The following CHN2 variants were observed in gnomAD, a reference collection of about 807,000 sequenced individuals.
CHN2 encodes the protein chimerin 2.
Under a neutral mutation model 56.3 loss-of-function variants are expected in CHN2, and 35 were observed. The ratio of observed to expected loss-of-function variants is 0.62; its 90% CI spans 0.47 to 0.82. CHN2 has a LOEUF of 0.82. Ranked by LOEUF, CHN2 falls within the 40% of genes least tolerant of loss-of-function variation. The probability of loss-of-function intolerance (pLI) is 0.00; values close to 1 mark genes in which losing one functional copy is unlikely to be tolerated. For missense variants in CHN2, 491 were observed against 580.5 expected (o/e 0.85, Z 1.58); for synonymous variants, 210 against 212.8 (o/e 0.99, Z 0.12).
intron 6 of CHN2, among the ~76,000 whole-genome samples, chr7:29,455,300 G>A (rs1210113055): frequency 6.6e-6 from 1 of 152,174 alleles, no homozygotes; most frequent in African/African-American, 2.4e-5. Context: ...TGCGGGATTA[G>A]TAATCATAAT....
chr7:29,225,244 AGAG>A (rs1445199662), intron 1 of CHN2, among the ~76,000 whole-genome samples: 1 of 152,218 alleles, frequency 6.6e-6, no homozygotes, highest in Non-Finnish European at 1.5e-5. Flanking sequence ...GTCTAAATCA[AGAG>A]GAGGAAAGCA....
intron 1 of CHN2, among the ~76,000 whole-genome samples, chr7:29,266,146 C>T (rs1256280916): frequency 1.3e-5 from 2 of 152,196 alleles, no homozygotes; most frequent in East Asian, 1.9e-4. Flanking sequence ...CACATACTTC[C>T]AGTATGAGGG....
At chr7:29,416,851 A>G (rs1426453638) in intron 6 of CHN2, among the ~76,000 whole-genome samples, 1 of 152,208 alleles carries the variant, frequency 6.6e-6, no homozygotes, top group African/African-American at 2.4e-5. Context: ...AGCAAACTGC[A>G]CCTTAGGCGT....
intron 6 of CHN2, among the ~76,000 whole-genome samples, chr7:29,441,720 C>T (rs562421224): frequency 7.9e-5 from 12 of 151,972 alleles, no homozygotes; most frequent in Non-Finnish European, 1.8e-4. Flanking sequence ...CAATCAAAAC[C>T]GCATTGATAT....
chr7:29,290,944 T>C (rs2128869032), intron 1 of CHN2, among the ~76,000 whole-genome samples: 1 of 152,302 alleles, frequency 6.6e-6, no homozygotes, highest in Non-Finnish European at 1.5e-5. Context: ...TTCAAGCGTG[T>C]GGTTAGACCT....
rs774936196 is a variant in CHN2 at position 29,509,302 on chromosome 7, A to T, written c.1131A>T (p.Lys377Asn). 6.2e-7 allele frequency: 1 copy of T among 1,612,764 alleles called. No homozygotes were observed. Among genetic ancestry groups the T allele is most frequent in the African/African-American group, 1.3e-5 (1 of 74,926 alleles). The change falls in exon 12 of 13, where the codon AAA becomes AAT. Residue 377 changes from lysine to asparagine, a missense_variant and splice_region_variant. Transcript: ENST00000222792. ...DTYSKFIDAA[K>N]ISNADERLEA... ...ACCCATCATGCGTGAACTTCACAGA[A>T]ATCTCCAATGCAGATGAGAGGCTGG...
intron 1 of CHN2, among the ~76,000 whole-genome samples, chr7:29,269,537 T>C (rs549507334): frequency 8.7e-4 from 133 of 152,350 alleles, no homozygotes; most frequent in Middle Eastern, 3.4e-3. Flanking sequence ...CTCTTCAATA[T>C]ACTGATTTCC....
intron 6 of CHN2, among the ~76,000 whole-genome samples, chr7:29,411,142 C>T (rs1447658529): frequency 1.3e-5 from 2 of 152,126 alleles, no homozygotes; most frequent in East Asian, 3.9e-4. Context: ...AGCCTAGGGC[C>T]TGTGTCATCA....
At chr7:29,454,227 G>A (rs899968139) in intron 6 of CHN2, among the ~76,000 whole-genome samples, 7 of 146,606 alleles carry the variant, frequency 4.8e-5, no homozygotes, top group Non-Finnish European at 9.0e-5. Flanking sequence ...AGGTACAGGG[G>A]AGCAGAGATG....
At chr7:29,447,421 A>G (rs1404487799) in intron 6 of CHN2, among the ~76,000 whole-genome samples, 1 of 152,226 alleles carries the variant, frequency 6.6e-6, no homozygotes, top group Non-Finnish European at 1.5e-5. Flanking sequence ...TTTAAAAACA[A>G]AAACATCATC....
chr7:29,502,938 C>T (rs1462831876), intron 9 of CHN2, among the ~76,000 whole-genome samples: 1 of 152,034 alleles, frequency 6.6e-6, no homozygotes, highest in Admixed American at 6.6e-5. Flanking sequence ...TGTGGTGGTC[C>T]CCTCCCTGTG....
intron 6 of CHN2, among the ~76,000 whole-genome samples, chr7:29,421,548 T>C (rs1804347608): frequency 6.6e-6 from 1 of 152,230 alleles, no homozygotes; most frequent in Admixed American, 6.5e-5. Context: ...CCAAAGCTCC[T>C]TGATGCCTGC....
chr7:29,366,145 C>G (rs1799138369), intron 2 of CHN2, among the ~76,000 whole-genome samples: 1 of 152,148 alleles, frequency 6.6e-6, no homozygotes, highest in African/African-American at 2.4e-5. Context: ...GGTCCCTTTT[C>G]TTTTGAGAAA....
At chr7:29,241,060 A>G (rs1787636800) in intron 1 of CHN2, among the ~76,000 whole-genome samples, 1 of 151,886 alleles carries the variant, frequency 6.6e-6, no homozygotes, top group Non-Finnish European at 1.5e-5. Flanking sequence ...TAATTTTTGT[A>G]TTTTTAGTAG....
At chr7:29,363,643 C>T (rs1798910385) in intron 2 of CHN2, among the ~76,000 whole-genome samples, 1 of 152,068 alleles carries the variant, frequency 6.6e-6, no homozygotes, top group Non-Finnish European at 1.5e-5. Context: ...ATATTTATTT[C>T]TTGTTTATTA....
At position 29,367,839 on chromosome 7, in the gene CHN2, G is replaced by A. The variant is rs75521454; in HGVS notation, c.89-93G>A. 7.1e-3 allele frequency: 7,142 copies of A among 999,414 alleles called. 344 individuals carry two copies. In the African/African-American group the frequency reaches 0.1, roughly 14 times the overall value. 61.9% of individuals were successfully genotyped at this position (999,414 alleles called of 1,614,324 possible). ...TTTTTATATTTACAATCCTTGAGAT[G>A]TACTTAGGTGGAAATATTTGAAGGC... On this transcript the variant is annotated intron_variant, in intron 2 of 12. Coordinates refer to ENST00000222792, the MANE Select transcript of CHN2 (RefSeq NM_004067.4).
chr7:29,268,285 C>CACACACACACAA (rs1554384937), intron 1 of CHN2, among the ~76,000 whole-genome samples: 2 of 139,646 alleles, frequency 1.4e-5, no homozygotes, highest in Non-Finnish European at 1.5e-5. Flanking sequence ...TTCACCAGAA[C>CACACACACACAA]ACACACACAC....
intron 7 of CHN2, among the ~76,000 whole-genome samples, chr7:29,481,451 CT>C (rs1787214942): frequency 6.6e-6 from 1 of 152,120 alleles, no homozygotes; most frequent in African/African-American, 2.4e-5. Flanking sequence ...TTAGTTTGGT[CT>C]GTTTCCCTGC....
intron 1 of CHN2, among the ~76,000 whole-genome samples, chr7:29,294,275 A>T (rs1792943654): frequency 6.6e-6 from 1 of 152,122 alleles, no homozygotes; most frequent in Non-Finnish European, 1.5e-5. Flanking sequence ...GAATGAATGA[A>T]TATTCACGAG....
Sources: allele counts gnomAD v4.1 joint callset (sites outside exome capture counted in the v4.1 genomes callset), GRCh38; gene constraint gnomAD v4.1.1; transcripts MANE v1.5; gene names NCBI Gene and HGNC (gene_info 2026-07-23, HGNC 2026-07-21).